FAM219A: variants seen among roughly 807,000 people sequenced by gnomAD.
FAM219A encodes the protein family with sequence similarity 219 member A.
In FAM219A, 7 loss-of-function variants were observed where a neutral mutation model predicts 23.4. The observed-to-expected ratio is 0.30, with a 90% CI of 0.17 to 0.56. The LOEUF (loss-of-function observed/expected upper bound fraction) is 0.56, where lower values mean the gene tolerates loss of function less well. FAM219A is among the 20% of genes least tolerant of loss of function. The pLI, the probability that FAM219A is intolerant of heterozygous loss-of-function variation, is 0.92. For missense variants in FAM219A, 166 were observed against 246.9 expected (o/e 0.67, Z 2.20); for synonymous variants, 93 against 99.0 (o/e 0.94, Z 0.36).
At chr9:34,443,172 T>C (rs181181975) in intron 1 of FAM219A, among the ~76,000 whole-genome samples, 86 of 152,130 alleles carry the variant, frequency 5.7e-4, no homozygotes, top group Middle Eastern at 6.8e-3. Flanking sequence ...CCCACTGACA[T>C]TGGGGAGAAT....
chr9:34,403,318 T>C (rs1821519781), intron 2 of FAM219A, among the ~76,000 whole-genome samples: 1 of 152,256 alleles, frequency 6.6e-6, no homozygotes, highest in Admixed American at 6.5e-5. Context: ...CAAATATCCA[T>C]GTCACTAATT....
chr9:34,412,884 G>A (rs1158427703), intron 1 of FAM219A, among the ~76,000 whole-genome samples: 3 of 152,182 alleles, frequency 2.0e-5, no homozygotes, highest in Non-Finnish European at 4.4e-5. Flanking sequence ...GGAGAGAATA[G>A]GAGATGAAGA....
intron 1 of FAM219A, among the ~76,000 whole-genome samples, chr9:34,455,064 C>T (rs1411712827): frequency 6.6e-6 from 1 of 152,208 alleles, no homozygotes; most frequent in Non-Finnish European, 1.5e-5. Context: ...CAAACTTTGA[C>T]ACACTGTGGG....
At chr9:34,421,299 T>C (rs981711461) in intron 1 of FAM219A, among the ~76,000 whole-genome samples, 3 of 151,718 alleles carry the variant, frequency 2.0e-5, no homozygotes, top group African/African-American at 7.3e-5. Flanking sequence ...CAGCTGGGGG[T>C]ACAGAGGTAA....
chr9:34,444,227 G>C (rs971208462), intron 1 of FAM219A, among the ~76,000 whole-genome samples: 6 of 152,166 alleles, frequency 3.9e-5, no homozygotes, highest in Non-Finnish European at 5.9e-5. Context: ...TGCCAATGTG[G>C]CTACTGGCTT....
At chr9:34,409,091 C>T (rs1821740826) in intron 1 of FAM219A, among the ~76,000 whole-genome samples, 1 of 152,246 alleles carries the variant, frequency 6.6e-6, no homozygotes, top group Non-Finnish European at 1.5e-5. Flanking sequence ...CTGCCAGCTC[C>T]TTTGGACCAC....
chr9:34,416,235 GAAA>G (rs1564003276), intron 1 of FAM219A, among the ~76,000 whole-genome samples: 7 of 116,914 alleles, frequency 6.0e-5, no homozygotes, highest in African/African-American at 2.3e-4. Context: ...AAGAAAGAAA[GAAA>G]GAAAGAAAGA....
chr9:34,398,433 A>T lies in FAM219A; in HGVS notation c.*2531T>A. ...GGCAGGAGGGCAAGCTAAGGCCTAGATTCTTCCCTCCAACCTCCCAGACAG... is the reference window on the plus strand; with the variant it reads ...GGCAGGAGGGCAAGCTAAGGCCTAGTTTCTTCCCTCCAACCTCCCAGACAG... On this transcript the variant is annotated 3_prime_UTR_variant, in exon 6 of 6. Transcript: ENST00000651358. The T allele has an allele frequency of 6.6e-7, 1 of 1,504,906 alleles. No individual in the cohort carries two copies. The highest frequency in any genetic ancestry group is 9.0e-7 in the Non-Finnish European group (1 of 1,107,226). 93.2% of individuals were successfully genotyped at this position (1,504,906 alleles called of 1,614,324 possible).
chr9:34,452,865 C>T (rs1588078397), intron 1 of FAM219A, among the ~76,000 whole-genome samples: 1 of 152,110 alleles, frequency 6.6e-6, no homozygotes, highest in African/African-American at 2.4e-5. Context: ...ATTTGGTGCT[C>T]CTGGGCCTGG....
At chr9:34,428,320 CCT>C (rs1283567326) in intron 1 of FAM219A, among the ~76,000 whole-genome samples, 17 of 152,150 alleles carry the variant, frequency 1.1e-4, no homozygotes, top group Admixed American at 1.1e-3. Context: ...AAACACAACC[CCT>C]GTCTAGAGAG....
intron 3 of FAM219A, 30 bp from the exon 4 acceptor site, chr9:34,402,497 G>A: frequency 6.2e-7 from 1 of 1,613,774 alleles, no homozygotes; most frequent in South Asian, 1.1e-5. Context: ...AGTTAGAGTG[G>A]CAAAGTGGAG....
At chr9:34,451,414 G>C (rs76978343) in intron 1 of FAM219A, among the ~76,000 whole-genome samples, 1 of 152,106 alleles carries the variant, frequency 6.6e-6, no homozygotes, top group African/African-American at 2.4e-5. Context: ...AGCACCTCTG[G>C]TTATCTGCCT....
intron 1 of FAM219A, among the ~76,000 whole-genome samples, chr9:34,445,732 C>T (rs371595605): frequency 1.3e-3 from 201 of 152,314 alleles, no homozygotes; most frequent in African/African-American, 4.4e-3. Flanking sequence ...ATCTAGGCCA[C>T]GCCAACCTCC....
In FAM219A at chr9:34,458,252, C is replaced by G; in HGVS notation, c.12G>C (p.Glu4Asp). The G allele has an allele frequency of 6.3e-7, 1 of 1,586,158 alleles. No homozygotes were observed. Among genetic ancestry groups the G allele is most frequent in the Non-Finnish European group, 8.5e-7 (1 of 1,170,264 alleles). MME[E>D]IDRFQVPTAH... ...CGGTGGGCACCTGGAACCGGTCGAT[C>G]TCCTCCATCATGGTGCCGGCGGGCG... The change falls in exon 1 of 6, where the codon GAG becomes GAC. Residue 4 changes from glutamate to aspartate, a missense_variant. Coordinates refer to ENST00000651358, the MANE Select transcript of FAM219A (RefSeq NM_001184940.2). This position sits in a 1 kb window ranked among gnomAD's most constrained non-coding sequence, Gnocchi z 6.6.
In FAM219A at chr9:34,458,518, G is replaced by T. The variant is rs1285846970; in HGVS notation, c.-255C>A. The T allele has an allele frequency of 2.7e-6, 1 of 365,962 alleles. No homozygotes were observed. Among genetic ancestry groups the T allele is most frequent in the Non-Finnish European group, 4.9e-6 (1 of 202,324 alleles). 22.7% of individuals were successfully genotyped at this position (365,962 alleles called of 1,614,324 possible). Reference sequence around the variant, plus strand: ...CGGGCCGAGCCGCAGGTCTTGCCTCGCCTCCTACTCCGCTGCCGCCTCCTG... The same window carrying T: ...CGGGCCGAGCCGCAGGTCTTGCCTCTCCTCCTACTCCGCTGCCGCCTCCTG... On this transcript the variant is annotated 5_prime_UTR_variant, in exon 1 of 6. Coordinates refer to ENST00000651358, the MANE Select transcript of FAM219A (RefSeq NM_001184940.2). This position sits in a 1 kb window ranked among gnomAD's most constrained non-coding sequence, Gnocchi z 6.6.
Position 34,458,396 on chromosome 9 carries a change from C to T in FAM219A, c.-133G>A. On this transcript the variant is annotated 5_prime_UTR_variant, in exon 1 of 6. Transcript: ENST00000651358. The surrounding 1 kb of genome is among the most constrained non-coding windows in gnomAD (Gnocchi z 6.6). ...CCCGGACCACTCGGGCGGGCAGGGG[C>T]CGGGCGGATGCAGGGGTGGGCGGGG... The T allele has an allele frequency of 1.9e-6, 1 of 519,278 alleles. No individual in the cohort carries two copies. Among genetic ancestry groups the T allele is most frequent in the Non-Finnish European group, 2.8e-6 (1 of 354,762 alleles). The allele number at this position is 519,278 out of a possible 1,614,324, so 32.2% of individuals were successfully genotyped here.
rs563857036 is a variant in FAM219A, at chr9:34,399,646, G to A, written c.*1318C>T. Reference sequence around the variant, plus strand: ...CAGAGATTGCCCCCTCCCCACCACAGAAATTTCTATGAAGAAACTCTTTCA... The same window carrying A: ...CAGAGATTGCCCCCTCCCCACCACAAAAATTTCTATGAAGAAACTCTTTCA... On this transcript the variant is annotated 3_prime_UTR_variant, in exon 6 of 6. Coordinates refer to ENST00000651358, the MANE Select transcript of FAM219A (RefSeq NM_001184940.2). 4 of 152,208 alleles carry A rather than the reference G, an allele frequency of 2.6e-5. No individual in the cohort carries two copies. In the South Asian group the frequency reaches 8.3e-4, roughly 32 times the overall value. 9.4% of individuals were successfully genotyped at this position (152,208 alleles called of 1,614,324 possible).
intron 1 of FAM219A, among the ~76,000 whole-genome samples, chr9:34,436,823 T>C (rs937469561): frequency 2.6e-5 from 4 of 152,214 alleles, no homozygotes; most frequent in Non-Finnish European, 5.9e-5. Flanking sequence ...GTCCCTTTCC[T>C]TTCATGGGTG....
At chr9:34,435,880 ACTGCAACCC>A (rs1822891281) in intron 1 of FAM219A, among the ~76,000 whole-genome samples, 2 of 151,860 alleles carry the variant, frequency 1.3e-5, no homozygotes, top group Admixed American at 1.3e-4. Flanking sequence ...ATCTCGGCTC[ACTGCAACCC>A]CTGCCTTCTG....
Sources: allele counts gnomAD v4.1 joint callset (sites outside exome capture counted in the v4.1 genomes callset), GRCh38; gene constraint gnomAD v4.1.1; non-coding constraint Gnocchi (gnomAD v3.1); transcripts MANE v1.5; gene names NCBI Gene and HGNC (gene_info 2026-07-23, HGNC 2026-07-21).